Variants in ZSWIM6 observed in about 807,000 individuals in gnomAD.
The protein encoded by ZSWIM6 is zinc finger SWIM domain-containing protein 6.
Under a neutral mutation model 113.2 loss-of-function variants are expected in ZSWIM6, and 9 were observed. The ratio of observed to expected loss-of-function variants is 0.08; its 90% CI spans 0.05 to 0.14. The LOEUF (loss-of-function observed/expected upper bound fraction) is 0.14. Among genes scored for constraint, ZSWIM6 ranks in the 10% least tolerant of loss-of-function variants. The probability of loss-of-function intolerance (pLI) is 1.00; values close to 1 mark genes in which losing one functional copy is unlikely to be tolerated. For missense variants in ZSWIM6, 1,162 were observed against 1,552.2 expected (o/e 0.75, Z 4.22); for synonymous variants, 611 against 606.5 (o/e 1.01, Z -0.11).
At chr5:61,479,912 C>G (rs1340394183) in intron 2 of ZSWIM6, among the ~76,000 whole-genome samples, 1 of 132,356 alleles carries the variant, frequency 7.6e-6, no homozygotes, top group African/African-American at 2.8e-5. Flanking sequence ...TATTTGTGAA[C>G]CAGCTTTTTT....
At chr5:61,398,734 TTAAAG>T (rs1039526039) in intron 1 of ZSWIM6, among the ~76,000 whole-genome samples, 1 of 152,164 alleles carries the variant, frequency 6.6e-6, no homozygotes, top group African/African-American at 2.4e-5. Flanking sequence ...GATTTTAGGA[TTAAAG>T]TAAACATTGT....
Position 61,399,529 on chromosome 5 carries a change from C to T in ZSWIM6, c.676+66581C>T, listed in dbSNP as rs995837762. Among the ~76,000 whole-genome samples, 4 of 152,146 alleles carry T rather than the reference C, an allele frequency of 2.6e-5. No homozygotes were observed. The South Asian group carries it at 8.3e-4, about 31-fold the overall frequency. On this transcript the variant is annotated intron_variant, in intron 1 of 13. Transcript: ENST00000252744. ...AGAAGGTTTAAGCACAGTGAGGCTT[C>T]ATCTTCGTGTTCCTGAGGGACCAGA...
At position 61,332,713 on chromosome 5, in the gene ZSWIM6, GGGCGGCGGC is replaced by G. The variant is rs864309616; in HGVS notation, c.454_462del (p.Gly152_Gly154del). 5.4e-4 allele frequency: 499 copies of G among 928,512 alleles called. 2 individuals are homozygous for G. The highest frequency in any genetic ancestry group is 2.0e-3 in the East Asian group (16 of 7,814). 57.5% of individuals were successfully genotyped at this position (928,512 alleles called of 1,614,324 possible). On this transcript the variant is annotated inframe_deletion, in exon 1 of 14. Transcript: ENST00000252744. Reference sequence around the variant, plus strand: ...ACGACAGCGGTGGCGGCGGCGGCGCGGGCGGCGGCGGCGGCGGCGGCTCCTCGTCTTCCC... The same window carrying G: ...ACGACAGCGGTGGCGGCGGCGGCGCGGGCGGCGGCGGCTCCTCGTCTTCCC...
rs148746224 is a variant in ZSWIM6 at position 61,531,699 on chromosome 5, G to T, written c.2219G>T (p.Arg740Leu). 3.9e-6 allele frequency: 6 copies of T among 1,551,492 alleles called. No individual in the cohort carries two copies. Among genetic ancestry groups the T allele is most frequent in the African/African-American group, 2.7e-5 (2 of 73,036 alleles). Residue 740 changes from arginine (R) to leucine (L), a missense_variant, in exon 9 of 14, where the codon CGC becomes CTC. Around this residue, in one of 4 missense-constraint regions of ZSWIM6, gnomAD observed 620 missense variants for 804.6 expected, o/e 0.77. Transcript: ENST00000252744. ...GATGACACACTGGTGAAAATTTTTC[G>T]CAAGCAAGCAGTCTTCCTATTAGAA... ...ELDDTLVKIF[R>L]KQAVFLLEAG...
At chr5:61,536,014 A>C (rs1749562837) in intron 10 of ZSWIM6, among the ~76,000 whole-genome samples, 1 of 152,232 alleles carries the variant, frequency 6.6e-6, no homozygotes, top group South Asian at 2.1e-4. Flanking sequence ...GGAGACCTTC[A>C]CACCTGCTGT....
At chr5:61,342,747 A>T (rs1468739683) in intron 1 of ZSWIM6, among the ~76,000 whole-genome samples, 1 of 152,220 alleles carries the variant, frequency 6.6e-6, no homozygotes, top group African/African-American at 2.4e-5. Flanking sequence ...ATTAGGATTT[A>T]AAAAAATTTT....
At chr5:61,392,284 T>C (rs1312573385) in intron 1 of ZSWIM6, among the ~76,000 whole-genome samples, 1 of 152,254 alleles carries the variant, frequency 6.6e-6, no homozygotes, top group Non-Finnish European at 1.5e-5. Flanking sequence ...GCTACAGACA[T>C]GCATCTATAT....
intron 2 of ZSWIM6, among the ~76,000 whole-genome samples, chr5:61,486,370 A>G (rs1305415521): frequency 6.6e-6 from 1 of 151,940 alleles, no homozygotes; most frequent in South Asian, 2.1e-4. Flanking sequence ...TTGATTCCAT[A>G]TCTTTGCTAT....
At chr5:61,434,683 C>T (rs1297569792) in intron 1 of ZSWIM6, among the ~76,000 whole-genome samples, 1 of 152,068 alleles carries the variant, frequency 6.6e-6, no homozygotes, top group Non-Finnish European at 1.5e-5. Context: ...TCTTCATCCA[C>T]TTGTTGGTTG....
chr5:61,539,545 T>C, intron 11 of ZSWIM6, 51 bp from the exon 12 acceptor site: 2 of 1,517,134 alleles, frequency 1.3e-6, no homozygotes, highest in Non-Finnish European at 1.8e-6. Flanking sequence ...TATTTGTTTG[T>C]CTTGCTTTGC....
intron 1 of ZSWIM6, among the ~76,000 whole-genome samples, chr5:61,465,616 A>T (rs1263645795): frequency 6.6e-6 from 1 of 152,198 alleles, no homozygotes; most frequent in African/African-American, 2.4e-5. Flanking sequence ...AAGAATCTAC[A>T]TTAATGAGAA....
chr5:61,334,072 CTCTT>C (rs1744332704), intron 1 of ZSWIM6, among the ~76,000 whole-genome samples: 1 of 152,206 alleles, frequency 6.6e-6, no homozygotes, highest in Non-Finnish European at 1.5e-5. Flanking sequence ...ACAAAAGAGT[CTCTT>C]TCTTTTCAGG....
intron 1 of ZSWIM6, among the ~76,000 whole-genome samples, chr5:61,371,001 G>A (rs1482014090): frequency 6.6e-6 from 1 of 152,204 alleles, no homozygotes; most frequent in East Asian, 1.9e-4. Flanking sequence ...AGGTTGTGGA[G>A]GGCCATAGTG....
intron 6 of ZSWIM6, 111 bp from the exon 7 acceptor site, chr5:61,526,139 G>A: frequency 7.0e-7 from 1 of 1,435,598 alleles, no homozygotes; most frequent in Non-Finnish European, 9.3e-7. Flanking sequence ...TTCAGGAATG[G>A]TTTCTTGTGT....
chr5:61,492,435 G>T (rs139156117), intron 3 of ZSWIM6, among the ~76,000 whole-genome samples: 1 of 152,000 alleles, frequency 6.6e-6, no homozygotes, highest in Non-Finnish European at 1.5e-5. Flanking sequence ...GACAGATACG[G>T]GTTCTGATCC....
At chr5:61,499,620 G>A (rs918860676) in intron 4 of ZSWIM6, among the ~76,000 whole-genome samples, 1 of 152,146 alleles carries the variant, frequency 6.6e-6, no homozygotes, top group African/African-American at 2.4e-5. Context: ...GTGTTGCAGG[G>A]AAGAAGCAGT....
chr5:61,515,847 T>G (rs1748919779), intron 4 of ZSWIM6, among the ~76,000 whole-genome samples: 1 of 152,140 alleles, frequency 6.6e-6, no homozygotes, highest in South Asian at 2.1e-4. Flanking sequence ...TATTGTGAGG[T>G]GCAGCCGAGT....
chr5:61,349,583 C>T (rs749642681), intron 1 of ZSWIM6, among the ~76,000 whole-genome samples: 7 of 151,896 alleles, frequency 4.6e-5, no homozygotes, highest in African/African-American at 9.7e-5. Flanking sequence ...CTCCAAATAC[C>T]GTGTAGGGTT....
intron 1 of ZSWIM6, among the ~76,000 whole-genome samples, chr5:61,349,935 A>C (rs1177921268): frequency 6.6e-6 from 1 of 152,216 alleles, no homozygotes; most frequent in Non-Finnish European, 1.5e-5. Context: ...AGAATATCCC[A>C]CAAGATCTTA....
Sources: allele counts gnomAD v4.1 joint callset (sites outside exome capture counted in the v4.1 genomes callset), GRCh38; gene constraint gnomAD v4.1.1; regional missense constraint gnomAD v4.1.1; transcripts MANE v1.5; gene names NCBI Gene and HGNC (gene_info 2026-07-23, HGNC 2026-07-21).